Variants in NFATC2 observed in about 807,000 individuals in gnomAD.
NFATC2 encodes nuclear factor of activated T cells 2.
NFATC2 carries 22 observed loss-of-function variants against 87.3 expected under a neutral mutation model. The ratio of observed to expected loss-of-function variants is 0.25; its 90% CI spans 0.18 to 0.36. The LOEUF (loss-of-function observed/expected upper bound fraction) is 0.36. Among genes scored for constraint, NFATC2 ranks in the 10% least tolerant of loss-of-function variants. The pLI, the probability that NFATC2 is intolerant of heterozygous loss-of-function variation, is 1.00. For missense variants in NFATC2, 1,149 were observed against 1,259.1 expected, an observed-to-expected ratio of 0.91 and a Z score of 1.32; for synonymous variants, 565 against 542.2, an observed-to-expected ratio of 1.04 and a Z score of -0.58.
chr20:51,389,254 C>T lies in NFATC2; in HGVS notation c.*2242G>A, dbSNP rs1036531850. 2 of 152,170 alleles carry T rather than the reference C, an allele frequency of 1.3e-5. No individual in the cohort carries two copies. Among genetic ancestry groups the T allele is most frequent in the Non-Finnish European group, 2.9e-5 (2 of 68,020 alleles). The allele number at this position is 152,170 out of a possible 1,614,324, so 9.4% of individuals were successfully genotyped here. ...GAAAATGCATTAGTCCTTTTTCACCCTGTGGACAAGGAAGCTGAGCTACTT... is the reference window on the plus strand; with the variant it reads ...GAAAATGCATTAGTCCTTTTTCACCTTGTGGACAAGGAAGCTGAGCTACTT... On this transcript the variant is annotated 3_prime_UTR_variant, in exon 11 of 11. Coordinates refer to ENST00000371564, the MANE Select transcript of NFATC2 (RefSeq NM_012340.5).
At chr20:51,478,094 G>A (rs1988913925) in intron 3 of NFATC2, among the ~76,000 whole-genome samples, 1 of 152,168 alleles carries the variant, frequency 6.6e-6, no homozygotes, top group African/African-American at 2.4e-5. Flanking sequence ...GAGGCTGGGA[G>A]TGGAACTGTG....
intron 9 of NFATC2, among the ~76,000 whole-genome samples, chr20:51,406,786 T>C (rs543933782): frequency 1.3e-5 from 2 of 152,296 alleles, no homozygotes; most frequent in Non-Finnish European, 2.9e-5. Flanking sequence ...CTTAGCTCCA[T>C]AGCGGCGCCT....
At chr20:51,512,866 C>T (rs993321646) in intron 3 of NFATC2, among the ~76,000 whole-genome samples, 2 of 152,056 alleles carry the variant, frequency 1.3e-5, no homozygotes, top group African/African-American at 4.8e-5. Flanking sequence ...GAGAAGCCGG[C>T]GGAAGCATTC....
At chr20:51,464,699 C>T (rs535911596) in intron 5 of NFATC2, among the ~76,000 whole-genome samples, 32 of 152,170 alleles carry the variant, frequency 2.1e-4, no homozygotes, top group African/African-American at 7.5e-4. Context: ...GGCAGGTGCC[C>T]ACAGCCCCCT....
At chr20:51,397,985 C>T (rs1276600961) in intron 10 of NFATC2, among the ~76,000 whole-genome samples, 1 of 152,216 alleles carries the variant, frequency 6.6e-6, no homozygotes, top group Non-Finnish European at 1.5e-5. Flanking sequence ...ATAAGGTCTT[C>T]TTAGCGGCCA....
intron 3 of NFATC2, among the ~76,000 whole-genome samples, chr20:51,499,364 T>A (rs1458793577): frequency 6.6e-6 from 1 of 152,070 alleles, no homozygotes; most frequent in East Asian, 1.9e-4. Flanking sequence ...CCCACACAGA[T>A]GCACAGAACT....
chr20:51,458,767 T>A (rs1412827367), intron 5 of NFATC2, among the ~76,000 whole-genome samples: 1 of 151,720 alleles, frequency 6.6e-6, no homozygotes, highest in Non-Finnish European at 1.5e-5. Context: ...TGAGCAGAGA[T>A]CACGCCCCTG....
At position 51,523,751 on chromosome 20, in the gene NFATC2, G is replaced by T. The variant is rs1348187500; in HGVS notation, c.490C>A (p.Pro164Thr). 1 of 1,610,886 alleles carries T rather than the reference G, an allele frequency of 6.2e-7. No individual in the cohort carries two copies. Among genetic ancestry groups the T allele is most frequent in the Admixed American group, 1.7e-5 (1 of 59,290 alleles). The change falls in exon 2 of 11, where the codon CCG (proline) becomes ACG (threonine). Residue 164 changes from proline (P) to threonine (T), a missense_variant. Around this residue, in one of 3 missense-constraint regions of NFATC2, gnomAD observed 563 missense variants for 585.2 expected, o/e 0.96. Coordinates refer to ENST00000371564, the MANE Select transcript of NFATC2 (RefSeq NM_012340.5). The surrounding 1 kb of genome is among the most constrained non-coding windows in gnomAD (Gnocchi z 6.9). ...CTGCTAGCGGGGCTCAAGCAAAGCG[G>T]CTCGCGGTAGCCCTCGAAGCCGGGC... ...PVPGFEGYREPLCLSPASSGS... is the reference protein window; with the variant it reads ...PVPGFEGYRETLCLSPASSGS...
chr20:51,470,300 C>T (rs962647248), intron 5 of NFATC2, among the ~76,000 whole-genome samples: 3 of 152,166 alleles, frequency 2.0e-5, no homozygotes, highest in African/African-American at 7.2e-5. Flanking sequence ...AAGGAGCAGT[C>T]GGGGAAGCTG....
upstream of NFATC2, among the ~76,000 whole-genome samples, chr20:51,543,066 G>A (rs1181990337): frequency 6.6e-6 from 1 of 152,160 alleles, no homozygotes; most frequent in Non-Finnish European, 1.5e-5. Context: ...TCTCCATGGG[G>A]TGGAAGGGGG....
chr20:51,469,348 G>A (rs190652716), intron 5 of NFATC2, among the ~76,000 whole-genome samples: 3 of 152,292 alleles, frequency 2.0e-5, no homozygotes, highest in Admixed American at 6.5e-5. Flanking sequence ...CAACTCCCGG[G>A]TAATTCTAAC....
At chr20:51,562,763 G>C (rs2077043681), upstream of NFATC2, 1 of 762,608 alleles carries the variant, frequency 1.3e-6, no homozygotes, top group Non-Finnish European at 2.0e-6. This position sits in a 1 kb window ranked among gnomAD's most constrained non-coding sequence, Gnocchi z 5.8. Context: ...GAGCGACCCG[G>C]GAGCTGCGCG....
chr20:51,409,212 C>G (rs118032147), intron 9 of NFATC2, among the ~76,000 whole-genome samples: 1 of 152,122 alleles, frequency 6.6e-6, no homozygotes, highest in Non-Finnish European at 1.5e-5. Context: ...ACCCTGTGAC[C>G]ATGCAACTCT....
chr20:51,500,368 G>A (rs1332092190), intron 3 of NFATC2, among the ~76,000 whole-genome samples: 2 of 152,078 alleles, frequency 1.3e-5, no homozygotes, highest in Non-Finnish European at 2.9e-5. Flanking sequence ...CAACCCTGGA[G>A]TTGCAAGTTA....
chr20:51,562,646 C>T (rs1186867860), upstream of NFATC2: 3 of 1,549,540 alleles, frequency 1.9e-6, no homozygotes, highest in Non-Finnish European at 2.6e-6. This position sits in a 1 kb window ranked among gnomAD's most constrained non-coding sequence, Gnocchi z 5.8. Context: ...GGCACGGGGA[C>T]TTGGCGCGTG....
At chr20:51,530,809 C>T (rs2076621291) in intron 1 of NFATC2, among the ~76,000 whole-genome samples, 1 of 152,154 alleles carries the variant, frequency 6.6e-6, no homozygotes, top group South Asian at 2.1e-4. Context: ...CCTGGAGGCC[C>T]TCCCTGTTTC....
At chr20:51,484,232 T>G (rs1989517358) in intron 3 of NFATC2, among the ~76,000 whole-genome samples, 1 of 152,128 alleles carries the variant, frequency 6.6e-6, no homozygotes, top group African/African-American at 2.4e-5. Context: ...TCTCCCTCCA[T>G]GACCTGCAGG....
chr20:51,562,640 C>A, upstream of NFATC2: 2 of 1,549,986 alleles, frequency 1.3e-6, no homozygotes, highest in Non-Finnish European at 1.7e-6. This position sits in a 1 kb window ranked among gnomAD's most constrained non-coding sequence, Gnocchi z 5.8. Context: ...CTGGAGGGCA[C>A]GGGGACTTGG....
chr20:51,389,764 T>C lies in NFATC2; in HGVS notation c.*1732A>G, dbSNP rs901822416. The C allele has an allele frequency of 1.3e-5, 2 of 152,130 alleles. No individual in the cohort carries two copies. Among genetic ancestry groups the C allele is most frequent in the African/African-American group, 2.4e-5 (1 of 41,418 alleles). 9.4% of individuals were successfully genotyped at this position (152,130 alleles called of 1,614,324 possible). ...CACCTGGCCCCACTCCCAGGAAGCTTTTACCTCTGGGTAACCTTGACGGGA... is the reference window on the plus strand; with the variant it reads ...CACCTGGCCCCACTCCCAGGAAGCTCTTACCTCTGGGTAACCTTGACGGGA... On this transcript the variant is annotated 3_prime_UTR_variant, in exon 11 of 11. Transcript: ENST00000371564.
Sources: allele counts gnomAD v4.1 joint callset (sites outside exome capture counted in the v4.1 genomes callset), GRCh38; gene constraint gnomAD v4.1.1; regional missense constraint gnomAD v4.1.1; non-coding constraint Gnocchi (gnomAD v3.1); transcripts MANE v1.5; gene names NCBI Gene and HGNC (gene_info 2026-07-23, HGNC 2026-07-21).